The following PLGRKT variants were observed in gnomAD, a reference collection of about 807,000 sequenced individuals.
PLGRKT encodes the protein plasminogen receptor (KT).
Under a neutral mutation model 18.5 loss-of-function variants are expected in PLGRKT, and 22 were observed. The ratio of observed to expected loss-of-function variants is 1.19; its 90% CI spans 0.85 to 1.70. The LOEUF is 1.70. PLGRKT is among the 40% of genes most tolerant of loss of function. PLGRKT has a pLI of 0.00. For missense variants in PLGRKT, 235 were observed against 174.4 expected, an observed-to-expected ratio of 1.35 and a Z score of -1.96; for synonymous variants, 72 against 52.8, an observed-to-expected ratio of 1.36 and a Z score of -1.58.
intron 3 of PLGRKT, among the ~76,000 whole-genome samples, chr9:5,374,679 A>T (rs1417281404): frequency 6.6e-6 from 1 of 152,248 alleles, no homozygotes; most frequent in East Asian, 1.9e-4. Context: ...CCAATGCTAA[A>T]TAATTTTAGG....
chr9:5,424,666 T>TATATA (rs1491528499), intron 3 of PLGRKT, among the ~76,000 whole-genome samples: 8 of 103,224 alleles, frequency 7.8e-5, no homozygotes, highest in East Asian at 4.8e-4. Context: ...TAATTATATA[T>TATATA]TTTATATATA....
intron 3 of PLGRKT, among the ~76,000 whole-genome samples, chr9:5,367,028 CAT>C (rs143413327): frequency 0.3 from 23,335 of 77,292 alleles, 2,083 homozygotes; most frequent in Non-Finnish European, 0.34. Flanking sequence ...GATACACACA[CAT>C]ACACACACAC....
chr9:5,427,772 T>C (rs1416535262), intron 3 of PLGRKT, among the ~76,000 whole-genome samples: 3 of 152,172 alleles, frequency 2.0e-5, no homozygotes, highest in African/African-American at 4.8e-5. Flanking sequence ...TGTGAGATGC[T>C]CATAGAAATA....
intron 3 of PLGRKT, among the ~76,000 whole-genome samples, chr9:5,399,921 C>G (rs1818124844): frequency 6.6e-6 from 1 of 151,644 alleles, no homozygotes; most frequent in Admixed American, 6.6e-5. Flanking sequence ...AACCTGAAAG[C>G]AGAGGTTGCA....
At chr9:5,393,686 G>C (rs1817991264) in intron 3 of PLGRKT, among the ~76,000 whole-genome samples, 1 of 151,732 alleles carries the variant, frequency 6.6e-6, no homozygotes, top group Admixed American at 6.6e-5. Context: ...TTACTAGTTT[G>C]TAGTTTTTGC....
rs1257594108 is a variant in PLGRKT, at chr9:5,410,613, GA to G, written c.81+21283del. On this transcript the variant is annotated intron_variant, in intron 3 of 5. Transcript: ENST00000223864. ...AAGCAGTTTAAGCAGGCAGGGTTGG[GA>G]AAATTATGTTTTAGATTATGCTTCT... Among the ~76,000 whole-genome samples the G allele has an allele frequency of 5.3e-5, 8 of 152,242 alleles. 1 individual carries two copies. In the East Asian group the frequency reaches 1.2e-3, roughly 22 times the overall value.
chr9:5,418,353 T>G lies in PLGRKT; in HGVS notation c.81+13544A>C. ...CCTAAGTTGGCACCCACAAGAGACTTCCCTGCAGCCCTCTCCAGCCACAAG... is the reference window on the plus strand; with the variant it reads ...CCTAAGTTGGCACCCACAAGAGACTGCCCTGCAGCCCTCTCCAGCCACAAG... On this transcript the variant is annotated intron_variant, in intron 3 of 5. Transcript: ENST00000223864. The surrounding 1 kb of genome is among the most constrained non-coding windows in gnomAD (Gnocchi z 4.2). 1 of 694,902 alleles carries G rather than the reference T, an allele frequency of 1.4e-6. No individual in the cohort carries two copies. Among genetic ancestry groups the G allele is most frequent in the Non-Finnish European group, 2.6e-6 (1 of 386,170 alleles). The allele number at this position is 694,902 out of a possible 1,614,324, so 43.0% of individuals were successfully genotyped here.
intron 3 of PLGRKT, among the ~76,000 whole-genome samples, chr9:5,422,930 A>G (rs1274271989): frequency 6.6e-6 from 1 of 152,192 alleles, no homozygotes; most frequent in African/African-American, 2.4e-5. Flanking sequence ...TGACAAGATT[A>G]TATCTTCAGT....
At chr9:5,390,551 C>T (rs1168435757) in intron 3 of PLGRKT, among the ~76,000 whole-genome samples, 1 of 151,806 alleles carries the variant, frequency 6.6e-6, no homozygotes, top group African/African-American at 2.4e-5. Flanking sequence ...GATGTTTATT[C>T]TCCTTGGCAT....
In PLGRKT at chr9:5,385,088, TGTAA is replaced by T. The variant is rs545344110; in HGVS notation, c.82-23204_82-23201del. On this transcript the variant is annotated intron_variant, in intron 3 of 5. Transcript: ENST00000223864. ...GATCATGTGGGACCTTCCAGGCCAT[TGTAA>T]GTGTTTTAGATTTTATTCCCAGTGA... 1.8e-3 allele frequency among the ~76,000 whole-genome samples: 276 copies of T among 152,154 alleles called. 1 individual carries two copies. Among genetic ancestry groups the T allele is most frequent in the African/African-American group, 6.1e-3 (255 of 41,526 alleles).
At chr9:5,363,009 G>T (rs1246714463) in intron 3 of PLGRKT, among the ~76,000 whole-genome samples, 12 of 151,962 alleles carry the variant, frequency 7.9e-5, no homozygotes. Context: ...AACAGCCAAG[G>T]GGTGTGGAGG....
At position 5,401,231 on chromosome 9, in the gene PLGRKT, G is replaced by A. The variant is rs539926577; in HGVS notation, c.81+30666C>T. On this transcript the variant is annotated intron_variant, in intron 3 of 5. Coordinates refer to ENST00000223864, the MANE Select transcript of PLGRKT (RefSeq NM_018465.4). ...ATAAGCTCAAGTCACAGAAACTACT[G>A]GAAGTCTATCAAAGACATAAAGAAA... Among the ~76,000 whole-genome samples, 10 of 151,660 alleles carry A rather than the reference G, an allele frequency of 6.6e-5. No homozygotes were observed. The East Asian group carries it at 1.7e-3, about 26-fold the overall frequency.
chr9:5,384,199 G>A (rs1448608635), intron 3 of PLGRKT, among the ~76,000 whole-genome samples: 2 of 152,228 alleles, frequency 1.3e-5, no homozygotes, highest in African/African-American at 4.8e-5. Context: ...TCCCCTAGAA[G>A]TGGAAGGCCT....
intron 3 of PLGRKT, among the ~76,000 whole-genome samples, chr9:5,400,134 A>G (rs1818128850): frequency 6.6e-6 from 1 of 151,936 alleles, no homozygotes; most frequent in Admixed American, 6.5e-5. Context: ...GTTAAAGTGC[A>G]GGGTCTACAG....
intron 3 of PLGRKT, among the ~76,000 whole-genome samples, chr9:5,369,232 T>G (rs1817462998): frequency 6.6e-6 from 1 of 152,092 alleles, no homozygotes; most frequent in African/African-American, 2.4e-5. Context: ...ATATCCAGAA[T>G]TTACAGAGAA....
In PLGRKT at chr9:5,424,698, A is replaced by ACACACACACACAC. The variant is rs554487361; in HGVS notation, c.81+7198_81+7199insGTGTGTGTGTGTG. 1.4e-3 allele frequency among the ~76,000 whole-genome samples: 105 copies of ACACACACACACAC among 75,364 alleles called. 1 individual carries two copies. The highest frequency in any genetic ancestry group is 4.7e-3 in the African/African-American group (102 of 21,580). 49.4% of individuals were successfully genotyped at this position (75,364 alleles called of 152,430 possible). ...TATATATATATATATATATACACAC[A>ACACACACACACAC]GGGGGGGGAGAGAGGGAGAGACAGA... On this transcript the variant is annotated intron_variant, in intron 3 of 5. Transcript: ENST00000223864.
At chr9:5,408,581 C>T (rs920675017) in intron 3 of PLGRKT, among the ~76,000 whole-genome samples, 1 of 152,166 alleles carries the variant, frequency 6.6e-6, no homozygotes, top group Non-Finnish European at 1.5e-5. Flanking sequence ...TAAAAGTTTA[C>T]AAAATTTGTA....
intron 3 of PLGRKT, among the ~76,000 whole-genome samples, chr9:5,367,861 G>T (rs945856429): frequency 6.6e-6 from 1 of 152,080 alleles, no homozygotes; most frequent in Non-Finnish European, 1.5e-5. Context: ...CTAGTATCCA[G>T]AATCTATAAG....
intron 3 of PLGRKT, among the ~76,000 whole-genome samples, chr9:5,385,185 T>C (rs1817818860): frequency 6.6e-6 from 1 of 152,226 alleles, no homozygotes; most frequent in Admixed American, 6.5e-5. Context: ...TACACATTTA[T>C]GAATGAATAA....
Sources: gnomAD v4.1 joint callset for allele counts (sites outside exome capture counted in the v4.1 genomes callset) on GRCh38, gnomAD v4.1.1 for gene constraint, Gnocchi (gnomAD v3.1) non-coding constraint, MANE v1.5 for transcripts, NCBI Gene and HGNC (gene_info 2026-07-23, HGNC 2026-07-21) for gene names.